The following PDGFA variants were observed in gnomAD, a reference collection of about 807,000 sequenced individuals.
The protein encoded by PDGFA is platelet derived growth factor subunit A.
A neutral mutation model predicts 25.6 loss-of-function variants in PDGFA; 9 were observed. The observed-to-expected ratio is 0.35, with a 90% confidence interval of 0.21 to 0.61. The LOEUF is 0.61. Ranked by LOEUF, PDGFA falls within the 20% of genes least tolerant of loss-of-function variation. The pLI, the probability that PDGFA is intolerant of heterozygous loss-of-function variation, is 0.75. For synonymous variants in PDGFA, 133 were observed against 111.8 expected (o/e 1.19, Z -1.20); for missense variants, 242 against 272.8 (o/e 0.89, Z 0.79).
rs2128404452 is a variant in PDGFA, at chr7:514,763, G to C, written c.161-2308C>G. Among the ~76,000 whole-genome samples, 3 of 152,334 alleles carry C rather than the reference G, an allele frequency of 2.0e-5. No individual in the cohort carries two copies. In the Middle Eastern group the frequency reaches 0.01, roughly 518 times the overall value. On this transcript the variant is annotated intron_variant, in intron 2 of 5. Transcript: ENST00000402802. Reference sequence around the variant, plus strand: ...CTTTGGGGAACAAAGCTCCCCAGCTGCCACTGCACACAGGACAAACAGGCC... The same window carrying C: ...CTTTGGGGAACAAAGCTCCCCAGCTCCCACTGCACACAGGACAAACAGGCC...
rs1407573055 is a variant in PDGFA, at chr7:517,036, G to A, written c.160+358C>T. Among the ~76,000 whole-genome samples, 1 of 151,000 alleles carries A rather than the reference G, an allele frequency of 6.6e-6. No homozygotes were observed. Among genetic ancestry groups the A allele is most frequent in the Non-Finnish European group, 1.5e-5 (1 of 67,682 alleles). ...CCGCGGGCTGCCCGCCCGGCGCACG[G>A]GCCAGGGCTCTGCGCCCAGGGTCTG... is the stretch of plus-strand genomic sequence containing the variant. On this transcript the variant is annotated intron_variant, in intron 2 of 5. Coordinates refer to ENST00000402802, the Ensembl canonical transcript of PDGFA. The surrounding 1 kb of genome is among the most constrained non-coding windows in gnomAD (Gnocchi z 7.4).
At chr7:503,625 C>T (rs960373194) in intron 4 of PDGFA, among the ~76,000 whole-genome samples, 1 of 152,200 alleles carries the variant, frequency 6.6e-6, no homozygotes, top group Non-Finnish European at 1.5e-5. Flanking sequence ...AGAAGGTCAG[C>T]TCTGCACCCT....
intron 4 of PDGFA, among the ~76,000 whole-genome samples, chr7:510,002 C>T (rs540747011): frequency 3.2e-4 from 49 of 151,800 alleles, no homozygotes; most frequent in African/African-American, 1.1e-3. Flanking sequence ...CTCCAAAGGT[C>T]AGGCACTTCA....
At chr7:497,969 AAAAAC>A (rs1782159703) in exon 6 of PDGFA, 9 of 133,746 alleles carry the variant, frequency 6.7e-5, no homozygotes, top group East Asian at 2.4e-4. Context: ...CAAAAAAAAA[AAAAAC>A]AAAACAAAAA....
At chr7:520,418 C>G (rs528611351), upstream of PDGFA, 2 of 158,174 alleles carry the variant, frequency 1.3e-5, no homozygotes, top group East Asian at 3.8e-4. Flanking sequence ...CACGCGCCCC[C>G]GCCCAGGATC....
chr7:508,018 A>C (rs1465036959), intron 4 of PDGFA, among the ~76,000 whole-genome samples: 2 of 152,152 alleles, frequency 1.3e-5, no homozygotes, highest in Non-Finnish European at 2.9e-5. Flanking sequence ...AAGATGTGGA[A>C]TCTGCTTACT....
rs1001553734 is a variant in PDGFA, at chr7:497,321, A to C, written c.*1243T>G. The C allele has an allele frequency of 6.6e-5, 10 of 152,210 alleles. No individual in the cohort carries two copies. In the South Asian group the frequency reaches 2.1e-3, roughly 32 times the overall value. 9.4% of individuals were successfully genotyped at this position (152,210 alleles called of 1,614,324 possible). ...CAAAAAAAGAACATAGCAGGCTCTC[A>C]GGTATACAAAACAGGTAATATTAGG... On this transcript the variant is annotated 3_prime_UTR_variant, in exon 6 of 6. Transcript: ENST00000402802.
In PDGFA at chr7:517,909, C is replaced by A. The variant is rs577658451; in HGVS notation, c.64-419G>T. On this transcript the variant is annotated intron_variant, in intron 1 of 5. Coordinates refer to ENST00000402802, the Ensembl canonical transcript of PDGFA. The surrounding 1 kb of genome is among the most constrained non-coding windows in gnomAD (Gnocchi z 7.4). Reference sequence around the variant, plus strand: ...CACGGGTCGGCGAGAGTCACGGCAGCCCTAACACTTTAATCCAGGCAGGGC... The same window carrying A: ...CACGGGTCGGCGAGAGTCACGGCAGACCTAACACTTTAATCCAGGCAGGGC... Among the ~76,000 whole-genome samples the A allele has an allele frequency of 6.6e-6, 1 of 152,154 alleles. No individual in the cohort carries two copies. Among genetic ancestry groups the A allele is most frequent in the African/African-American group, 2.4e-5 (1 of 41,442 alleles).
At chr7:518,017 A>G (rs961220647) in intron 1 of PDGFA, among the ~76,000 whole-genome samples, 2 of 151,956 alleles carry the variant, frequency 1.3e-5, no homozygotes, top group Non-Finnish European at 2.9e-5. Context: ...GCGCGCAGAC[A>G]CACACACGCG....
intron 4 of PDGFA, among the ~76,000 whole-genome samples, chr7:507,308 C>T (rs2128396776): frequency 6.6e-6 from 1 of 152,332 alleles, no homozygotes; most frequent in East Asian, 1.9e-4. Flanking sequence ...AGGACACAGC[C>T]CTGAGGCCTT....
intron 4 of PDGFA, among the ~76,000 whole-genome samples, chr7:507,201 C>T (rs571325688): frequency 2.6e-5 from 4 of 152,346 alleles, no homozygotes; most frequent in South Asian, 2.1e-4. Flanking sequence ...CTCCAACCCT[C>T]GGATGGGTGG....
chr7:520,631 G>C (rs966386947), upstream of PDGFA: 1 of 152,284 alleles, frequency 6.6e-6, no homozygotes. Flanking sequence ...CACCGGTGAG[G>C]GTCCCCCGGG....
chr7:510,231 C>T (rs1241526589), intron 4 of PDGFA, among the ~76,000 whole-genome samples: 8 of 152,112 alleles, frequency 5.3e-5, no homozygotes, highest in African/African-American at 1.7e-4. Context: ...GAGCAGAAGC[C>T]CCGGCCGGCC....
chr7:498,539 C>T (rs1228917484), exon 6 of PDGFA: 1 of 1,606,324 alleles, frequency 6.2e-7, no homozygotes, highest in Non-Finnish European at 8.5e-7. Flanking sequence ...ACATCCATGT[C>T]CCAGGAAAGG....
rs1287911846 is a variant in PDGFA, at chr7:511,325, GAGAC to G, written c.266-333_266-330del. ...GGGGAACTTAGTCCAGGTGGGGCCA[GAGAC>G]TGGGGGTGGGGAGAGGGGAACCTAG... is the stretch of plus-strand genomic sequence containing the variant. On this transcript the variant is annotated intron_variant, in intron 3 of 5. Coordinates refer to ENST00000402802, the Ensembl canonical transcript of PDGFA. Among the ~76,000 whole-genome samples the G allele has an allele frequency of 8.5e-4, 71 of 83,058 alleles. 1 individual carries two copies. The highest frequency in any genetic ancestry group is 3.9e-3 in the African/African-American group (47 of 12,066). 54.5% of individuals were successfully genotyped at this position (83,058 alleles called of 152,430 possible). A position where few individuals can be genotyped will look rare whatever the true frequency, so the allele number is the denominator to read the frequency against.
At chr7:519,637 C>T (rs1237181780), upstream of PDGFA, among the ~76,000 whole-genome samples, 1 of 145,766 alleles carries the variant, frequency 6.9e-6, no homozygotes, top group African/African-American at 2.5e-5. Flanking sequence ...CTCCGCCCTC[C>T]GCTCGCCGGG....
chr7:507,744 C>T (rs1312030438), intron 4 of PDGFA, among the ~76,000 whole-genome samples: 9 of 152,176 alleles, frequency 5.9e-5, no homozygotes, highest in African/African-American at 1.9e-4. Context: ...CAAGGCCCAC[C>T]GAAAGGCAGA....
At chr7:516,040 G>GCCCC (rs1299066097) in intron 2 of PDGFA, among the ~76,000 whole-genome samples, 1 of 33,766 alleles carries the variant, frequency 3.0e-5, no homozygotes, top group African/African-American at 1.2e-4. Context: ...CCAGGAAGCA[G>GCCCC]CCCCCCCCCC....
rs138895556 is a variant in PDGFA, at chr7:509,583, G to A, written c.453+1226C>T. Among the ~76,000 whole-genome samples, 1,015 of 152,192 alleles carry A rather than the reference G, an allele frequency of 6.7e-3. 16 individuals carry two copies. Among genetic ancestry groups the A allele is most frequent in the African/African-American group, 0.02 (820 of 41,532 alleles). On this transcript the variant is annotated intron_variant, in intron 4 of 5. Coordinates refer to ENST00000402802, the Ensembl canonical transcript of PDGFA. ...TGGGACTGCAGGTGTGAGCCACCTC[G>A]CCTGGCCCGATTAGTTTCTAGGGTA...
Sources: gnomAD v4.1 joint callset for allele counts (sites outside exome capture counted in the v4.1 genomes callset) on GRCh38, gnomAD v4.1.1 for gene constraint, Gnocchi (gnomAD v3.1) non-coding constraint, MANE v1.5 for transcripts, NCBI Gene and HGNC (gene_info 2026-07-23, HGNC 2026-07-21) for gene names.